Variants in FRG1 observed in about 807,000 individuals in gnomAD.
The protein encoded by FRG1 is FSHD region gene 1.
Under a neutral mutation model 37.0 loss-of-function variants are expected in FRG1, and 19 were observed. That is an observed-to-expected ratio of 0.51 (90% CI 0.36 to 0.75). The LOEUF is 0.75. Ranked by LOEUF, FRG1 falls within the 30% of genes least tolerant of loss-of-function variation. The pLI is 0.00. For synonymous variants in FRG1, 73 were observed against 96.5 expected (o/e 0.76, Z 1.43); for missense variants, 243 against 301.4 (o/e 0.81, Z 1.44).
At chr4:189,952,310 G>A (rs72722559) in intron 3 of FRG1, 23 bp downstream of exon 3, 2 of 1,594,406 alleles carry the variant, frequency 1.3e-6, no homozygotes, top group Non-Finnish European at 1.7e-6. Context: ...AAGGGAAGAG[G>A]CTGCCACAAG....
At chr4:189,962,721 A>G (rs1331010676) in intron 8 of FRG1, among the ~76,000 whole-genome samples, 2 of 152,202 alleles carry the variant, frequency 1.3e-5, no homozygotes, top group African/African-American at 4.8e-5. Context: ...AGGATATAAA[A>G]TATAATCAGG....
chr4:189,950,828 T>C (rs903881529), intron 2 of FRG1, among the ~76,000 whole-genome samples: 1 of 152,060 alleles, frequency 6.6e-6, no homozygotes, highest in Non-Finnish European at 1.5e-5. Flanking sequence ...AAATTTTAAG[T>C]AAAATCACAG....
rs1335468488 is a variant in FRG1, at chr4:189,943,233, A to G, written c.94A>G (p.Lys32Glu). 2.5e-6 allele frequency: 4 copies of G among 1,608,150 alleles called. No individual in the cohort carries two copies. The highest frequency in any genetic ancestry group is 3.4e-6 in the Non-Finnish European group (4 of 1,176,680). The change falls in exon 2 of 9, where the codon AAA (lysine) becomes GAA (glutamate). Residue 32 changes from lysine to glutamate, a missense_variant. By Grantham distance (56) the Lys-to-Glu change is moderately conservative. This residue lies in a region of FRG1 where 110 missense variants were observed against 102.2 expected (regional missense o/e 1.08). Coordinates refer to ENST00000226798, the MANE Select transcript of FRG1 (RefSeq NM_004477.3). ...GAAAAAGAGCAAAGATAAGAAAAGA[A>G]AAAGAGAAGAAGATGAAGAAACCCA... ...KKKKSKDKKR[K>E]REEDEETQLD...
chr4:189,956,208 GTGTA>G (rs1014852100), intron 5 of FRG1, among the ~76,000 whole-genome samples: 1 of 152,060 alleles, frequency 6.6e-6, no homozygotes, highest in African/African-American at 2.4e-5. Flanking sequence ...GTGAGTCTGT[GTGTA>G]TTCCTTCCCC....
At chr4:189,957,158 G>A (rs1737016225) in intron 5 of FRG1, among the ~76,000 whole-genome samples, 1 of 93,546 alleles carries the variant, frequency 1.1e-5, no homozygotes, top group South Asian at 3.7e-4. Flanking sequence ...CATCTACTTA[G>A]AATTTAGTCC....
rs559024767 is a variant in FRG1, at chr4:189,954,064, G to T, written c.317+939G>T. On this transcript the variant is annotated intron_variant, in intron 4 of 8. Transcript: ENST00000226798. ...AGATCTCAATAGAAAAATGGACAAG[G>T]GACATTACCAGATAATCTAAAAACT... Among the ~76,000 whole-genome samples, 124 of 151,702 alleles carry T rather than the reference G, an allele frequency of 8.2e-4. 1 individual carries two copies. The highest frequency in any genetic ancestry group is 3.0e-3 in the African/African-American group (124 of 41,338).
In FRG1 at chr4:189,941,065, CGA is replaced by C. The variant is rs1375241217; in HGVS notation, c.57_58del (p.Lys20GlufsTer2). 6.2e-7 allele frequency: 1 copy of C among 1,613,948 alleles called. No homozygotes were observed. The highest frequency in any genetic ancestry group is 1.1e-5 in the South Asian group (1 of 91,078). ...AAGCTCGTGCTCAAGGGAACCAAGA[CGA>C]AGAGGTGGGTCCTGCAGCTTGGGCG... is the stretch of plus-strand genomic sequence containing the variant. On this transcript the variant is annotated frameshift_variant, in exon 1 of 9. Transcript: ENST00000226798. LOFTEE classifies it high-confidence loss of function.
At chr4:189,959,904 C>T (rs375631509) in intron 6 of FRG1, 1 of 982,708 alleles carries the variant, frequency 1.0e-6, no homozygotes, top group Non-Finnish European at 1.2e-6. Context: ...TACCAGAACA[C>T]AGATCCCTCT....
At chr4:189,947,103 G>A (rs1339192482) in intron 2 of FRG1, among the ~76,000 whole-genome samples, 12 of 152,204 alleles carry the variant, frequency 7.9e-5, no homozygotes, top group African/African-American at 2.4e-4. Context: ...TGATCCTCCC[G>A]CCTCGGCGGG....
chr4:189,954,940 T>C (rs1270858238), intron 4 of FRG1, 97 bp from the exon 5 acceptor site: 10 of 683,710 alleles, frequency 1.5e-5, no homozygotes, highest in Non-Finnish European at 2.0e-5. Context: ...AAATTTTAGA[T>C]ATGTACACAG....
intron 1 of FRG1, 69 bp downstream of exon 1, chr4:189,941,140 G>A: frequency 3.7e-6 from 5 of 1,360,408 alleles, no homozygotes; most frequent in Non-Finnish European, 4.2e-6. Flanking sequence ...CGCAACTCCG[G>A]TGGAAGCCGT....
chr4:189,960,139 C>T (rs1579645711), intron 6 of FRG1, among the ~76,000 whole-genome samples: 1 of 152,180 alleles, frequency 6.6e-6, no homozygotes. Flanking sequence ...CACAGAGATC[C>T]CTTAGGAGAC....
At chr4:189,941,647 C>T (rs1295406403) in intron 1 of FRG1, among the ~76,000 whole-genome samples, 1 of 152,064 alleles carries the variant, frequency 6.6e-6, no homozygotes, top group Non-Finnish European at 1.5e-5. Context: ...TCTGAACCTC[C>T]GTTTACACAT....
At chr4:189,952,663 T>G (rs1176841064) in intron 3 of FRG1, among the ~76,000 whole-genome samples, 1 of 152,226 alleles carries the variant, frequency 6.6e-6, no homozygotes, top group Non-Finnish European at 1.5e-5. Context: ...CCTCATTTTC[T>G]TTAGCCCATT....
intron 2 of FRG1, among the ~76,000 whole-genome samples, chr4:189,943,960 G>T (rs558233087): frequency 1.3e-5 from 2 of 152,114 alleles, no homozygotes; most frequent in African/African-American, 4.8e-5. Context: ...AATATCTAGG[G>T]TAGATATGTA....
intron 2 of FRG1, among the ~76,000 whole-genome samples, chr4:189,951,383 C>T (rs1205711455): frequency 2.6e-5 from 4 of 151,314 alleles, no homozygotes; most frequent in East Asian, 2.0e-4. Flanking sequence ...CCCAGCTACT[C>T]GGGAAGCTGA....
chr4:189,942,841 C>A (rs1473159755), intron 1 of FRG1, among the ~76,000 whole-genome samples: 1 of 152,132 alleles, frequency 6.6e-6, no homozygotes, highest in African/African-American at 2.4e-5. Context: ...TACATATTAC[C>A]TCTTAATCCT....
At chr4:189,952,099 CA>C (rs70947949) in intron 2 of FRG1, 62 bp from the exon 3 acceptor site, 376,837 of 1,227,282 alleles carry the variant, frequency 0.31, 58,949 homozygotes, top group Middle Eastern at 0.41. Context: ...GTTATAATAA[CA>C]AAAAAAAGAA....
intron 2 of FRG1, among the ~76,000 whole-genome samples, chr4:189,948,690 T>A (rs886419552): frequency 2.2e-5 from 1 of 46,502 alleles, no homozygotes; most frequent in Non-Finnish European, 5.2e-5. Flanking sequence ...TTGGGCCATT[T>A]TTTTGTTTTG....
Sources: gnomAD v4.1 joint callset for allele counts (sites outside exome capture counted in the v4.1 genomes callset) on GRCh38, gnomAD v4.1.1 for gene constraint, gnomAD v4.1.1 regional missense constraint, MANE v1.5 for transcripts, NCBI Gene and HGNC (gene_info 2026-07-23, HGNC 2026-07-21) for gene names.